Variants in PDE10A observed in about 807,000 individuals in gnomAD.
PDE10A encodes cAMP and cAMP-inhibited cGMP 3',5'-cyclic phosphodiesterase 10A.
In PDE10A, 39 loss-of-function variants were observed where a neutral mutation model predicts 97.7. The ratio of observed to expected loss-of-function variants is 0.40; its 90% CI spans 0.31 to 0.52. The LOEUF is 0.52. Among genes scored for constraint, PDE10A ranks in the 20% least tolerant of loss-of-function variants. The pLI is 0.56. For synonymous variants in PDE10A, 371 were observed against 376.8 expected (o/e 0.98, Z 0.18); for missense variants, 731 against 1,047.8 (o/e 0.70, Z 4.17).
chr6:165,427,702 G>A (rs1228152191), intron 10 of PDE10A, among the ~76,000 whole-genome samples: 1 of 151,990 alleles, frequency 6.6e-6, no homozygotes, highest in East Asian at 1.9e-4. Flanking sequence ...TACAAAGAAC[G>A]AGCAGTAAGT....
chr6:165,810,057 A>G (rs2128467119), intron 1 of PDE10A, among the ~76,000 whole-genome samples: 1 of 152,256 alleles, frequency 6.6e-6, no homozygotes, highest in Middle Eastern at 3.4e-3. Flanking sequence ...AGGGGTATCC[A>G]TCACCACCAC....
At chr6:165,630,513 G>A (rs542422432) in intron 1 of PDE10A, among the ~76,000 whole-genome samples, 21 of 152,220 alleles carry the variant, frequency 1.4e-4, no homozygotes, top group African/African-American at 4.8e-4. Flanking sequence ...AAAGATTTTA[G>A]AAATCCCATA....
At chr6:165,583,944 A>G (rs1785760542) in intron 1 of PDE10A, among the ~76,000 whole-genome samples, 1 of 152,194 alleles carries the variant, frequency 6.6e-6, no homozygotes, top group African/African-American at 2.4e-5. Context: ...TGTTTCTACC[A>G]GAAGACACAA....
At chr6:165,510,564 A>C (rs576589356) in intron 2 of PDE10A, among the ~76,000 whole-genome samples, 9 of 151,832 alleles carry the variant, frequency 5.9e-5, no homozygotes, top group Non-Finnish European at 1.0e-4. Flanking sequence ...AGTTGGGGAG[A>C]ACTCCCTCCT....
intron 1 of PDE10A, among the ~76,000 whole-genome samples, chr6:165,701,533 A>C (rs1791569822): frequency 6.6e-6 from 1 of 152,224 alleles, no homozygotes; most frequent in Non-Finnish European, 1.5e-5. Flanking sequence ...GGTTTCTGCC[A>C]TCAAAAAAGC....
chr6:165,889,402 G>A (rs751795876), intron 1 of PDE10A, among the ~76,000 whole-genome samples: 2 of 152,162 alleles, frequency 1.3e-5, no homozygotes, highest in African/African-American at 2.4e-5. Context: ...AAGCAAGGAC[G>A]TTCTCAGTCT....
chr6:165,652,057 G>T (rs1789712253), intron 1 of PDE10A, among the ~76,000 whole-genome samples: 1 of 152,150 alleles, frequency 6.6e-6, no homozygotes, highest in Non-Finnish European at 1.5e-5. Flanking sequence ...TTTATAAGTA[G>T]ATCTTTAATC....
chr6:165,865,773 T>C (rs1428936114), intron 1 of PDE10A, among the ~76,000 whole-genome samples: 1 of 152,028 alleles, frequency 6.6e-6, no homozygotes, highest in Non-Finnish European at 1.5e-5. Flanking sequence ...AGAAAGTCTA[T>C]GTGCTATATG....
chr6:165,539,945 TATA>T (rs957708137), intron 2 of PDE10A, among the ~76,000 whole-genome samples: 5 of 128,390 alleles, frequency 3.9e-5, no homozygotes, highest in Admixed American at 2.2e-4. Flanking sequence ...CAATCAATTA[TATA>T]ATATCTTCCC....
intron 1 of PDE10A, among the ~76,000 whole-genome samples, chr6:165,740,297 A>G (rs932399335): frequency 9.9e-5 from 14 of 141,398 alleles, no homozygotes; most frequent in African/African-American, 3.7e-4. Context: ...AATGGAATAC[A>G]TATATATATA....
intron 1 of PDE10A, among the ~76,000 whole-genome samples, chr6:165,750,706 T>A (rs1279389278): frequency 1.3e-5 from 2 of 152,078 alleles, no homozygotes; most frequent in Non-Finnish European, 2.9e-5. Context: ...CTGATGCAGG[T>A]ACTTTTTGTC....
chr6:165,858,275 C>T (rs1780805020), intron 1 of PDE10A, among the ~76,000 whole-genome samples: 1 of 152,226 alleles, frequency 6.6e-6, no homozygotes, highest in East Asian at 1.9e-4. Context: ...CCCCCTCCAG[C>T]TTTCCTCAGG....
chr6:165,515,436 A>C (rs1288339166), intron 2 of PDE10A, among the ~76,000 whole-genome samples: 1 of 151,834 alleles, frequency 6.6e-6, no homozygotes, highest in Non-Finnish European at 1.5e-5. Context: ...CTTTTATATA[A>C]AATTATTGGT....
intron 1 of PDE10A, among the ~76,000 whole-genome samples, chr6:165,546,939 T>C (rs1030463990): frequency 3.3e-5 from 5 of 152,226 alleles, no homozygotes; most frequent in Admixed American, 2.0e-4. Flanking sequence ...AATATCCCGG[T>C]ATAATTGCAT....
intron 1 of PDE10A, among the ~76,000 whole-genome samples, chr6:165,621,148 C>A (rs1410550930): frequency 6.6e-6 from 1 of 151,646 alleles, no homozygotes; most frequent in African/African-American, 2.4e-5. Context: ...ATTTAAATGA[C>A]CCTAATCAAG....
Position 165,354,679 on chromosome 6 carries a change from C to A in PDE10A, c.2784-11177G>T, listed in dbSNP as rs530567696. Among the ~76,000 whole-genome samples the A allele has an allele frequency of 2.6e-5, 4 of 152,206 alleles. No individual in the cohort carries two copies. In the East Asian group the frequency reaches 7.7e-4, roughly 29 times the overall value. The stretch of plus-strand genomic sequence containing the variant: ...CACCTAGGGAACATGGGAAGCAAAC[C>A]CAAATCTTTGAAAAGGACAGGTGGA... On this transcript the variant is annotated intron_variant, in intron 18 of 21. Transcript: ENST00000539869.
At chr6:165,476,243 G>A (rs980573988) in intron 3 of PDE10A, among the ~76,000 whole-genome samples, 4 of 151,910 alleles carry the variant, frequency 2.6e-5, no homozygotes, top group Non-Finnish European at 5.9e-5. Context: ...TTGGGATGTC[G>A]TGTGAGACGG....
At chr6:165,771,831 T>C (rs1169354196) in intron 1 of PDE10A, among the ~76,000 whole-genome samples, 3 of 152,148 alleles carry the variant, frequency 2.0e-5, no homozygotes, top group Non-Finnish European at 2.9e-5. Context: ...GGATGAATGC[T>C]AGGTGGCCTG....
intron 3 of PDE10A, among the ~76,000 whole-genome samples, chr6:165,481,454 T>G (rs1779603362): frequency 6.6e-6 from 1 of 152,170 alleles, no homozygotes; most frequent in African/African-American, 2.4e-5. Flanking sequence ...TAGAGATTTC[T>G]TTCTTCAGAT....
Sources: allele counts gnomAD v4.1 joint callset (sites outside exome capture counted in the v4.1 genomes callset), GRCh38; gene constraint gnomAD v4.1.1; transcripts MANE v1.5; gene names NCBI Gene and HGNC (gene_info 2026-07-23, HGNC 2026-07-21).